Variants in HNRNPF observed in about 807,000 individuals in gnomAD.
The protein encoded by HNRNPF is heterogeneous nuclear ribonucleoprotein F, also known as HnRNP F protein.
In HNRNPF, 2 loss-of-function variants were observed where a neutral mutation model predicts 26.0. That is an observed-to-expected ratio of 0.08 (90% CI 0.03 to 0.24). The LOEUF is 0.24. HNRNPF is among the 10% of genes least tolerant of loss of function. HNRNPF has a pLI of 1.00. For missense variants in HNRNPF, 299 were observed against 539.2 expected, an observed-to-expected ratio of 0.55 and a Z score of 4.41; for synonymous variants, 234 against 211.5, an observed-to-expected ratio of 1.11 and a Z score of -0.92.
chr10:43,400,284 ATTAT>A (rs1433180999), intron 1 of HNRNPF, among the ~76,000 whole-genome samples: 1 of 152,186 alleles, frequency 6.6e-6, no homozygotes, highest in East Asian at 1.9e-4. Context: ...ACTTGTTCAA[ATTAT>A]TTATATTTTT....
At chr10:43,398,779 G>A (rs1267117109) in intron 1 of HNRNPF, among the ~76,000 whole-genome samples, 1 of 152,160 alleles carries the variant, frequency 6.6e-6, no homozygotes, top group African/African-American at 2.4e-5. Context: ...TCAGCCTCCT[G>A]AGTAGCTGGG....
At chr10:43,393,877 A>G (rs775134441) in intron 3 of HNRNPF, among the ~76,000 whole-genome samples, 3 of 152,148 alleles carry the variant, frequency 2.0e-5, no homozygotes, top group Non-Finnish European at 4.4e-5. Flanking sequence ...GTTGACACTC[A>G]TGGTTAATTC....
chr10:43,393,716 C>T (rs1240953619), intron 3 of HNRNPF, among the ~76,000 whole-genome samples: 1 of 152,190 alleles, frequency 6.6e-6, no homozygotes, highest in Non-Finnish European at 1.5e-5. Context: ...TGGTTTCCCA[C>T]TGACCTCAGA....
chr10:43,396,179 T>C (rs569384208), intron 2 of HNRNPF, among the ~76,000 whole-genome samples: 1 of 152,296 alleles, frequency 6.6e-6, no homozygotes, highest in South Asian at 2.1e-4. Flanking sequence ...TCAAGATAAA[T>C]AGGGCGCGCC....
In HNRNPF at chr10:43,386,572, T is replaced by C. The variant is rs997579712; in HGVS notation, c.*65A>G. On this transcript the variant is annotated 3_prime_UTR_variant, in exon 4 of 4. Transcript: ENST00000682386. ...GTCCCCCAGCTTCCTCTATTATAAC[T>C]GCTCTTAATTGCTTGTTGGCTGCCT... The C allele has an allele frequency of 1.7e-5, 24 of 1,441,298 alleles. No homozygotes were observed. Among genetic ancestry groups the C allele is most frequent in the African/African-American group, 4.3e-5 (3 of 70,534 alleles). The allele number at this position is 1,441,298 out of a possible 1,614,324, so 89.3% of individuals were successfully genotyped here. A position where few individuals can be genotyped will look rare whatever the true frequency, so the allele number is the denominator to read the frequency against.
At chr10:43,395,064 G>A (rs1430973723) in intron 2 of HNRNPF, among the ~76,000 whole-genome samples, 2 of 152,048 alleles carry the variant, frequency 1.3e-5, no homozygotes, top group South Asian at 2.1e-4. Context: ...CAGGTGATCC[G>A]CCCGCCTCTG....
Position 43,386,996 on chromosome 10 carries a change from G to T in HNRNPF, c.889C>A (p.Pro297Thr). Residue 297 changes from proline to threonine, a missense_variant, in exon 4 of 4, where the codon CCG becomes ACG. Pro to Thr is a conservative substitution (Grantham distance 38). This residue lies in a region of HNRNPF where 36 missense variants were observed against 93.8 expected (regional missense o/e 0.38). Transcript: ENST00000682386. ...ATGTCGTTCTCGGTCGCTTTGTACGGCAGGCCCCTCATGTGGACACAGTGG... is the reference window on the plus strand; with the variant it reads ...ATGTCGTTCTCGGTCGCTTTGTACGTCAGGCCCCTCATGTGGACACAGTGG... ...TGHCVHMRGLPYKATENDIYN... is the reference protein window; with the variant it reads ...TGHCVHMRGLTYKATENDIYN... 1 of 1,613,924 alleles carries T rather than the reference G, an allele frequency of 6.2e-7. No individual in the cohort carries two copies. The highest frequency in any genetic ancestry group is 8.5e-7 in the Non-Finnish European group (1 of 1,180,026).
intron 3 of HNRNPF, among the ~76,000 whole-genome samples, chr10:43,388,964 GA>G (rs1455866382): frequency 2.8e-5 from 4 of 144,328 alleles, no homozygotes; most frequent in African/African-American, 1.1e-4. Context: ...GGAGTATATG[GA>G]ATTTTTTTTT....
rs1838020002 is a variant in HNRNPF, at chr10:43,386,299, TC to T, written c.*337del. ...TCAGGGAGCTAGCACCTTTGAGTTTTCCAAAAAAGCACGTCTCCCCAGTGTG... is the reference window on the plus strand; with the variant it reads ...TCAGGGAGCTAGCACCTTTGAGTTTTCAAAAAAGCACGTCTCCCCAGTGTG... On this transcript the variant is annotated 3_prime_UTR_variant, in exon 4 of 4. Transcript: ENST00000682386. 5.3e-6 allele frequency: 1 copy of T among 190,242 alleles called. No individual in the cohort carries two copies. The highest frequency in any genetic ancestry group is 2.3e-5 in the African/African-American group (1 of 42,952). 11.8% of individuals were successfully genotyped at this position (190,242 alleles called of 1,614,324 possible).
intron 1 of HNRNPF, among the ~76,000 whole-genome samples, chr10:43,408,033 C>T (rs559528688): frequency 2.0e-5 from 3 of 152,328 alleles, no homozygotes; most frequent in African/African-American, 7.2e-5. Flanking sequence ...GCGACCCTCC[C>T]GCCTCAGCCT....
chr10:43,404,629 G>C (rs1037828710), intron 1 of HNRNPF, among the ~76,000 whole-genome samples: 4 of 151,522 alleles, frequency 2.6e-5, no homozygotes, highest in Non-Finnish European at 1.5e-5. Flanking sequence ...AGGCTGAGGC[G>C]GGTGGATCAC....
intron 1 of HNRNPF, among the ~76,000 whole-genome samples, chr10:43,407,512 C>A (rs889825167): frequency 1.3e-5 from 2 of 152,074 alleles, no homozygotes; most frequent in Non-Finnish European, 2.9e-5. Flanking sequence ...GTGCCTTGCT[C>A]CTCAAAACCC....
chr10:43,404,300 A>C (rs2256495), intron 1 of HNRNPF, among the ~76,000 whole-genome samples: 49,297 of 106,454 alleles, frequency 0.46, 9,956 homozygotes, highest in African/African-American at 0.64. Context: ...GAATCCGTCT[A>C]TAAAAAAAAA....
intron 1 of HNRNPF, among the ~76,000 whole-genome samples, chr10:43,400,190 G>A (rs557996925): frequency 6.6e-6 from 1 of 151,998 alleles, no homozygotes; most frequent in South Asian, 2.1e-4. Context: ...CTCTATATAG[G>A]AAAAAGATAA....
At chr10:43,402,170 AAGTT>A (rs1370846890) in intron 1 of HNRNPF, among the ~76,000 whole-genome samples, 1 of 152,236 alleles carries the variant, frequency 6.6e-6, no homozygotes, top group Non-Finnish European at 1.5e-5. Context: ...TTAAATTTAA[AAGTT>A]AGTAATGAAT....
At chr10:43,398,131 G>T (rs1276031782) in intron 1 of HNRNPF, among the ~76,000 whole-genome samples, 1 of 151,440 alleles carries the variant, frequency 6.6e-6, no homozygotes, top group Non-Finnish European at 1.5e-5. Context: ...GGGTTAAGGC[G>T]ATTCTCCTGC....
At chr10:43,392,938 A>C (rs1227067246) in intron 3 of HNRNPF, among the ~76,000 whole-genome samples, 1 of 152,162 alleles carries the variant, frequency 6.6e-6, no homozygotes, top group South Asian at 2.1e-4. Context: ...TCACACTCCA[A>C]TAGCAACATG....
chr10:43,385,794 G>A lies in HNRNPF; in HGVS notation c.*843C>T, dbSNP rs1016621272. The A allele has an allele frequency of 6.6e-6, 1 of 152,206 alleles. No individual in the cohort carries two copies. The highest frequency in any genetic ancestry group is 2.4e-5 in the African/African-American group (1 of 41,440). The allele number at this position is 152,206 out of a possible 1,614,324, so 9.4% of individuals were successfully genotyped here. On this transcript the variant is annotated 3_prime_UTR_variant, in exon 4 of 4. Coordinates refer to ENST00000682386, the MANE Select transcript of HNRNPF (RefSeq NM_001098204.2). ...ATAAGTTGCAGGTGGCTGGGGCCGT[G>A]TGTCTATTTGATGCTTCCCAGAATG...
chr10:43,398,487 G>A (rs1046734333), intron 1 of HNRNPF, among the ~76,000 whole-genome samples: 19 of 150,584 alleles, frequency 1.3e-4, no homozygotes, highest in Non-Finnish European at 2.4e-4. Flanking sequence ...GATTATAGGC[G>A]TGCGCTACCA....
Sources: gnomAD v4.1 joint callset for allele counts (sites outside exome capture counted in the v4.1 genomes callset) on GRCh38, gnomAD v4.1.1 for gene constraint, gnomAD v4.1.1 regional missense constraint, MANE v1.5 for transcripts, NCBI Gene and HGNC (gene_info 2026-07-23, HGNC 2026-07-21) for gene names.